Variants in MCTP1 observed in about 807,000 individuals in gnomAD.
MCTP1 encodes the protein multiple C2 and transmembrane domain containing 1.
A neutral mutation model predicts 120.6 loss-of-function variants in MCTP1; 69 were observed. The observed-to-expected ratio is 0.57, with a 90% confidence interval of 0.47 to 0.70. The LOEUF is 0.70. Among genes scored for constraint, MCTP1 ranks in the 30% least tolerant of loss-of-function variants. MCTP1 has a pLI of 0.00. For missense variants in MCTP1, 1,203 were observed against 1,248.8 expected, an observed-to-expected ratio of 0.96 and a Z score of 0.55; for synonymous variants, 529 against 493.1, an observed-to-expected ratio of 1.07 and a Z score of -0.96.
intron 1 of MCTP1, among the ~76,000 whole-genome samples, chr5:95,230,295 C>T (rs1754789718): frequency 6.6e-6 from 1 of 151,606 alleles, no homozygotes; most frequent in Non-Finnish European, 1.5e-5. Context: ...TCATAACAAT[C>T]CAATGAAATA....
At chr5:94,732,476 T>C (rs1354564421) in intron 19 of MCTP1, among the ~76,000 whole-genome samples, 1 of 152,234 alleles carries the variant, frequency 6.6e-6, no homozygotes, top group Non-Finnish European at 1.5e-5. Context: ...CTTAGCACTT[T>C]ATTTGCTTAA....
chr5:95,210,623 T>C (rs1752239100), intron 1 of MCTP1, among the ~76,000 whole-genome samples: 1 of 151,166 alleles, frequency 6.6e-6, no homozygotes, highest in South Asian at 2.1e-4. Flanking sequence ...CTTGACTCTT[T>C]ATCCAATTTG....
chr5:95,171,319 C>G (rs541890056), intron 1 of MCTP1, among the ~76,000 whole-genome samples: 1 of 152,148 alleles, frequency 6.6e-6, no homozygotes, highest in South Asian at 2.1e-4. Context: ...GATAACCCCA[C>G]CTTTCTCTCG....
chr5:94,899,603 A>G (rs764244197), intron 10 of MCTP1, among the ~76,000 whole-genome samples: 19 of 152,216 alleles, frequency 1.2e-4, no homozygotes, highest in Non-Finnish European at 2.2e-4. Flanking sequence ...AGCTGCATGA[A>G]ACAATGCAGA....
intron 2 of MCTP1, among the ~76,000 whole-genome samples, chr5:94,954,183 CAT>C (rs67189314): frequency 0.014 from 810 of 57,760 alleles, 173 homozygotes; most frequent in African/African-American, 0.056. Context: ...TATATATATG[CAT>C]ATATATATAT....
chr5:95,201,473 T>G (rs1562232168), intron 1 of MCTP1, among the ~76,000 whole-genome samples: 7 of 5,146 alleles, frequency 1.4e-3, no homozygotes, highest in South Asian at 4.2e-3. Flanking sequence ...GGTTTTTTTT[T>G]TTTTTTTTTT....
At chr5:95,111,845 T>TGAAG (rs1757478327) in intron 1 of MCTP1, among the ~76,000 whole-genome samples, 3 of 152,170 alleles carry the variant, frequency 2.0e-5, no homozygotes, top group Non-Finnish European at 4.4e-5. Context: ...TATTTTTCTC[T>TGAAG]GATGGATGTA....
chr5:95,276,809 G>A (rs1304365873), intron 1 of MCTP1, among the ~76,000 whole-genome samples: 8 of 151,736 alleles, frequency 5.3e-5, no homozygotes, highest in East Asian at 4.0e-4. Flanking sequence ...AAAATTAGCC[G>A]GGCATGGTGG....
At chr5:94,884,987 T>C (rs573104623) in intron 12 of MCTP1, among the ~76,000 whole-genome samples, 2 of 152,330 alleles carry the variant, frequency 1.3e-5, no homozygotes, top group Non-Finnish European at 2.9e-5. Flanking sequence ...CAAGTCTTTA[T>C]GCATAGCCTT....
At chr5:95,050,326 C>A (rs931058789) in intron 1 of MCTP1, among the ~76,000 whole-genome samples, 4 of 152,046 alleles carry the variant, frequency 2.6e-5, no homozygotes, top group African/African-American at 9.7e-5. Context: ...TGGAAAATAT[C>A]TTTACTAAAA....
intron 17 of MCTP1, among the ~76,000 whole-genome samples, chr5:94,801,999 C>A (rs1407330108): frequency 1.3e-5 from 2 of 152,150 alleles, no homozygotes; most frequent in East Asian, 1.9e-4. Flanking sequence ...CTCATAAATG[C>A]CTAAGGTATT....
Position 94,759,759 on chromosome 5 carries a change from T to G in MCTP1, c.2610+19351A>C, listed in dbSNP as rs79811937. On this transcript the variant is annotated intron_variant, in intron 19 of 22. Coordinates refer to ENST00000515393, the MANE Select transcript of MCTP1 (RefSeq NM_024717.7). ...CCTGTGTTACTTAAATGCCATTAACTATCAATGAAAGTTATTTTCACATAA... is the reference window on the plus strand; with the variant it reads ...CCTGTGTTACTTAAATGCCATTAACGATCAATGAAAGTTATTTTCACATAA... 5.9e-3 allele frequency among the ~76,000 whole-genome samples: 906 copies of G among 152,296 alleles called. 5 individuals carry two copies. The highest frequency in any genetic ancestry group is 0.021 in the African/African-American group (879 of 41,582).
chr5:95,077,650 T>A (rs1260636650), intron 1 of MCTP1, among the ~76,000 whole-genome samples: 1 of 152,110 alleles, frequency 6.6e-6, no homozygotes, highest in Non-Finnish European at 1.5e-5. Context: ...TTGTTTGTAT[T>A]TTTAGTAGAG....
chr5:95,213,991 A>ACC (rs1752722603), intron 1 of MCTP1, among the ~76,000 whole-genome samples: 1 of 152,130 alleles, frequency 6.6e-6, no homozygotes, highest in Non-Finnish European at 1.5e-5. Flanking sequence ...AAGCAATGGC[A>ACC]ACAAAAGCCA....
Position 94,947,599 on chromosome 5 carries a change from G to GAGAGAC in MCTP1, c.982-5173_982-5172insGTCTCT, listed in dbSNP as rs1561904576. On this transcript the variant is annotated intron_variant, in intron 3 of 22. Coordinates refer to ENST00000515393, the MANE Select transcript of MCTP1 (RefSeq NM_024717.7). ...ATATAGAGAGAGAGAGAGAGAGAGA[G>GAGAGAC]AGAGAGAGAGAGAGAGAGAGAGAAA... 1.7e-4 allele frequency among the ~76,000 whole-genome samples: 17 copies of GAGAGAC among 97,958 alleles called. 1 individual carries two copies. The highest frequency in any genetic ancestry group is 6.6e-4 in the African/African-American group (17 of 25,864). 64.3% of individuals were successfully genotyped at this position (97,958 alleles called of 152,430 possible). A position where few individuals can be genotyped will look rare whatever the true frequency, so the allele number is the denominator to read the frequency against.
At position 94,743,315 on chromosome 5, in the gene MCTP1, T is replaced by TA. The variant is rs34991464; in HGVS notation, c.2611-28430dup. Among the ~76,000 whole-genome samples, 1,209 of 127,406 alleles carry TA rather than the reference T, an allele frequency of 9.5e-3. 7 individuals are homozygous for TA. Among genetic ancestry groups the TA allele is most frequent in the African/African-American group, 0.022 (748 of 33,256 alleles). 83.6% of individuals were successfully genotyped at this position (127,406 alleles called of 152,430 possible). On this transcript the variant is annotated intron_variant, in intron 19 of 22. Coordinates refer to ENST00000515393, the MANE Select transcript of MCTP1 (RefSeq NM_024717.7). The stretch of plus-strand genomic sequence containing the variant: ...TCTGCAGGCTTATATTTCAATTCAA[T>TA]AAAAAAAAAAAAAGAGAGTCTATGA...
At chr5:94,946,521 T>C (rs1222368442) in intron 3 of MCTP1, among the ~76,000 whole-genome samples, 1 of 152,134 alleles carries the variant, frequency 6.6e-6, no homozygotes, top group Non-Finnish European at 1.5e-5. Context: ...CCTCAACTAA[T>C]ATCCCTAACA....
intron 1 of MCTP1, among the ~76,000 whole-genome samples, chr5:95,116,092 T>A (rs932191108): frequency 6.6e-6 from 1 of 151,968 alleles, no homozygotes; most frequent in Non-Finnish European, 1.5e-5. Flanking sequence ...ATAAACACTT[T>A]CCCAGACAAA....
intron 10 of MCTP1, among the ~76,000 whole-genome samples, chr5:94,899,920 C>T (rs536863519): frequency 9.2e-5 from 14 of 152,298 alleles, no homozygotes; most frequent in African/African-American, 2.4e-4. Flanking sequence ...ATCATTGCCT[C>T]GTGCTCCATT....
Sources: allele counts gnomAD v4.1 joint callset (sites outside exome capture counted in the v4.1 genomes callset), GRCh38; gene constraint gnomAD v4.1.1; transcripts MANE v1.5; gene names NCBI Gene and HGNC (gene_info 2026-07-23, HGNC 2026-07-21).